The following BICC1 variants were observed in gnomAD, a reference collection of about 807,000 sequenced individuals.
BICC1 encodes the protein BicC family RNA binding protein 1.
Under a neutral mutation model 111.0 loss-of-function variants are expected in BICC1, and 43 were observed. The ratio of observed to expected loss-of-function variants is 0.39; its 90% CI spans 0.30 to 0.50. The LOEUF (loss-of-function observed/expected upper bound fraction) is 0.50, where lower values mean the gene tolerates loss of function less well. Among genes scored for constraint, BICC1 ranks in the 20% least tolerant of loss-of-function variants. The pLI, the probability that BICC1 is intolerant of heterozygous loss-of-function variation, is 0.88. For missense variants in BICC1, 1,091 were observed against 1,203.2 expected (o/e 0.91, Z 1.38); for synonymous variants, 467 against 434.4 (o/e 1.07, Z -0.93).
At chr10:58,740,524 A>G (rs756774210) in intron 3 of BICC1, among the ~76,000 whole-genome samples, 3 of 151,924 alleles carry the variant, frequency 2.0e-5, no homozygotes, top group Non-Finnish European at 4.4e-5. Context: ...ATTTCCCTGG[A>G]TCTTATTTGA....
Position 58,799,186 on chromosome 10 carries a change from T to G in BICC1, c.1659T>G (p.Asp553Glu), listed in dbSNP as rs770806205. Reference protein sequence around the residue: ...PSPPPGLTPVDVHINSMQTEG... With the variant: ...PSPPPGLTPVEVHINSMQTEG... ...CCCCTCCTGGCTTGACTCCTGTTGA[T>G]GTCCATATCAACAGTATGCAGACCG... Residue 553 changes from aspartate (D) to glutamate (E), a missense_variant, in exon 12 of 21, where the codon GAT becomes GAG. Physicochemically the swap from Asp to Glu is conservative, Grantham distance 45. Transcript: ENST00000373886. The G allele has an allele frequency of 2.2e-5, 35 of 1,613,676 alleles. No homozygotes were observed. The highest frequency in any genetic ancestry group is 2.8e-5 in the Non-Finnish European group (33 of 1,179,884).
rs370280670 is a variant in BICC1, at chr10:58,829,858, G to C, written c.*967G>C. The C allele has an allele frequency of 6.6e-6, 1 of 152,098 alleles. No homozygotes were observed. The highest frequency in any genetic ancestry group is 1.5e-5 in the Non-Finnish European group (1 of 68,012). The allele number at this position is 152,098 out of a possible 1,614,324, so 9.4% of individuals were successfully genotyped here. ...CATACAGTACATAATTGATGAAATT[G>C]ATATTTACTAGAGATTTATGGTAGA... On this transcript the variant is annotated 3_prime_UTR_variant, in exon 21 of 21. Transcript: ENST00000373886.
chr10:58,635,419 T>C (rs375340787), intron 2 of BICC1, among the ~76,000 whole-genome samples: 5 of 152,330 alleles, frequency 3.3e-5, no homozygotes, highest in African/African-American at 1.2e-4. Context: ...AATCAGTGAA[T>C]CAGTTGGAAA....
At position 58,550,929 on chromosome 10, in the gene BICC1, G is replaced by C. The variant is rs183987406; in HGVS notation, c.190+37596G>C. ...TGCTTGTGTGTTTGGGTGTTTTTAA[G>C]ATATTAGACATTTTATCTCCTTCAT... On this transcript the variant is annotated intron_variant, in intron 1 of 20. Coordinates refer to ENST00000373886, the MANE Select transcript of BICC1 (RefSeq NM_001080512.3). 2.6e-5 allele frequency among the ~76,000 whole-genome samples: 4 copies of C among 152,230 alleles called. No individual in the cohort carries two copies. In the East Asian group the frequency reaches 7.7e-4, roughly 29 times the overall value.
chr10:58,817,798 T>C (rs1844141451), intron 19 of BICC1, 76 bp downstream of exon 19: 2 of 1,414,798 alleles, frequency 1.4e-6, no homozygotes, highest in Non-Finnish European at 9.6e-7. Context: ...AAATCACTTA[T>C]TGACCTATGA....
In BICC1 at chr10:58,513,362, C is replaced by T. The variant is rs370077280; in HGVS notation, c.190+29C>T. The T allele has an allele frequency of 6.6e-5, 102 of 1,543,878 alleles. No individual in the cohort carries two copies. In the South Asian group the frequency reaches 1.0e-3, roughly 15 times the overall value. On this transcript the variant is annotated intron_variant, in intron 1 of 20. Coordinates refer to ENST00000373886, the MANE Select transcript of BICC1 (RefSeq NM_001080512.3). The stretch of plus-strand genomic sequence containing the variant: ...GGCATCCCTCGTGTTCTCGGACTCT[C>T]CGACTGAGCCTCTAACTCCTTTTCG...
chr10:58,800,196 T>A lies in BICC1; in HGVS notation c.1728T>A (p.Ser576=). 2 of 1,592,104 alleles carry A rather than the reference T, an allele frequency of 1.3e-6. No individual in the cohort carries two copies. Among genetic ancestry groups the A allele is most frequent in the Non-Finnish European group, 1.7e-6 (2 of 1,162,416 alleles). The change falls in exon 13 of 21, where the codon TCT becomes TCA. Residue 576 remains serine (S), a splice_region_variant and synonymous_variant. Coordinates refer to ENST00000373886, the MANE Select transcript of BICC1 (RefSeq NM_001080512.3). ...ISAALNGHAQ[S]PDIKYGAIST... ...ATTATTTTCTATTATTATTTTAGTC[T>A]CCAGATATAAAATATGGTGCAATAT...
chr10:58,810,176 C>T (rs1004741325), intron 17 of BICC1, among the ~76,000 whole-genome samples: 8 of 152,186 alleles, frequency 5.3e-5, no homozygotes, highest in African/African-American at 1.7e-4. Context: ...TCTTCTGCTC[C>T]AGCACTTGCC....
At chr10:58,814,930 C>A (rs576648471) in intron 18 of BICC1, among the ~76,000 whole-genome samples, 2 of 152,094 alleles carry the variant, frequency 1.3e-5, no homozygotes, top group Non-Finnish European at 2.9e-5. Flanking sequence ...TTGCTGAATT[C>A]GCATAAACAG....
chr10:58,692,978 A>G (rs1839956463), intron 2 of BICC1, among the ~76,000 whole-genome samples: 1 of 152,012 alleles, frequency 6.6e-6, no homozygotes, highest in Admixed American at 6.6e-5. Flanking sequence ...GTCATTTAGC[A>G]TTAGGTGTAT....
intron 1 of BICC1, among the ~76,000 whole-genome samples, chr10:58,530,150 A>C (rs1029591436): frequency 1.3e-5 from 2 of 151,868 alleles, no homozygotes; most frequent in African/African-American, 4.8e-5. Context: ...CAGAAAACAA[A>C]AGGAGATCAC....
chr10:58,513,084 G>C lies in BICC1; in HGVS notation c.-60G>C. 1.6e-6 allele frequency: 2 copies of C among 1,256,904 alleles called. No homozygotes were observed. The highest frequency in any genetic ancestry group is 2.0e-6 in the Non-Finnish European group (2 of 991,504). The allele number at this position is 1,256,904 out of a possible 1,614,324, so 77.9% of individuals were successfully genotyped here. ...GCCAGTTGAGCCCGGCCGGCGAGCG[G>C]AGGCGGCAGCGCAGGCAGAGCGGCG... On this transcript the variant is annotated 5_prime_UTR_variant, in exon 1 of 21. Transcript: ENST00000373886.
intron 1 of BICC1, among the ~76,000 whole-genome samples, chr10:58,599,347 G>C (rs1844946199): frequency 6.6e-6 from 1 of 152,106 alleles, no homozygotes; most frequent in South Asian, 2.1e-4. Flanking sequence ...CATTTCCTTT[G>C]CCAGGACGTG....
At chr10:58,809,052 T>C (rs1282209927) in intron 17 of BICC1, among the ~76,000 whole-genome samples, 1 of 151,824 alleles carries the variant, frequency 6.6e-6, no homozygotes, top group Non-Finnish European at 1.5e-5. Flanking sequence ...ATTAAGAGTC[T>C]CACTCTGTCA....
At chr10:58,784,341 A>G (rs182284504) in intron 3 of BICC1, among the ~76,000 whole-genome samples, 1 of 152,322 alleles carries the variant, frequency 6.6e-6, no homozygotes, top group African/African-American at 2.4e-5. Context: ...AGAAAGTTTA[A>G]TGGCAGTAAT....
At chr10:58,585,469 G>A (rs1844403487) in intron 1 of BICC1, among the ~76,000 whole-genome samples, 1 of 152,082 alleles carries the variant, frequency 6.6e-6, no homozygotes, top group Non-Finnish European at 1.5e-5. Context: ...ATACAAATTA[G>A]GGTAAAAAAG....
At chr10:58,771,335 A>C (rs1842618116) in intron 3 of BICC1, among the ~76,000 whole-genome samples, 1 of 152,234 alleles carries the variant, frequency 6.6e-6, no homozygotes, top group South Asian at 2.1e-4. Context: ...AGTGAAATCC[A>C]GATAGTTATC....
At chr10:58,622,816 C>T (rs933160328) in intron 2 of BICC1, among the ~76,000 whole-genome samples, 3 of 152,174 alleles carry the variant, frequency 2.0e-5, no homozygotes, top group African/African-American at 7.2e-5. Context: ...AACTTGCATG[C>T]AGTCACATGT....
rs190206430 is a variant in BICC1, at chr10:58,732,409, A to G, written c.307+30266A>G. Among the ~76,000 whole-genome samples the G allele has an allele frequency of 8.0e-4, 68 of 85,380 alleles. 4 individuals are homozygous for G. Among genetic ancestry groups the G allele is most frequent in the South Asian group, 1.3e-3 (3 of 2,296 alleles). 56.0% of individuals were successfully genotyped at this position (85,380 alleles called of 152,430 possible). A position where few individuals can be genotyped will look rare whatever the true frequency, so the allele number is the denominator to read the frequency against. ...TATATATATATATATATATATATAT[A>G]TATATATATATATATATATATATAT... On this transcript the variant is annotated intron_variant, in intron 3 of 20. Coordinates refer to ENST00000373886, the MANE Select transcript of BICC1 (RefSeq NM_001080512.3).
Sources: gnomAD v4.1 joint callset for allele counts (sites outside exome capture counted in the v4.1 genomes callset) on GRCh38, gnomAD v4.1.1 for gene constraint, MANE v1.5 for transcripts, NCBI Gene and HGNC (gene_info 2026-07-23, HGNC 2026-07-21) for gene names.